The following PCDHGC3 variants were observed in gnomAD, a reference collection of about 807,000 sequenced individuals.
PCDHGC3 encodes protocadherin gamma-C3.
In PCDHGC3, 26 loss-of-function variants were observed where a neutral mutation model predicts 59.2. The observed-to-expected ratio is 0.44, with a 90% CI of 0.32 to 0.61. PCDHGC3 has a LOEUF of 0.61. PCDHGC3 is among the 20% of genes least tolerant of loss of function. PCDHGC3 has a pLI of 0.05. For synonymous variants in PCDHGC3, 487 were observed against 519.7 expected (o/e 0.94, Z 0.86); for missense variants, 1,080 against 1,221.8 (o/e 0.88, Z 1.73).
Position 141,511,089 on chromosome 5 carries a change from C to T in PCDHGC3, c.2721C>T (p.Thr907=). The change falls in exon 4 of 4, where the codon ACC becomes ACT. Residue 907 remains threonine (T), a synonymous_variant. Transcript: ENST00000308177. ...TCCCAGGCAGCAATGCCACACTGAC[C>T]AACGCAGCTGGCAAGCGGGATGGCA... is the stretch of plus-strand genomic sequence containing the variant. ...VYIPGSNATL[T]NAAGKRDGKA... 1 of 1,614,212 alleles carries T rather than the reference C, an allele frequency of 6.2e-7. No individual in the cohort carries two copies. Among genetic ancestry groups the T allele is most frequent in the Non-Finnish European group, 8.5e-7 (1 of 1,180,026 alleles).
rs1007318194 is a variant in PCDHGC3, at chr5:141,512,035, T to G, written c.*862T>G. On this transcript the variant is annotated 3_prime_UTR_variant, in exon 4 of 4. Coordinates refer to ENST00000308177, the MANE Select transcript of PCDHGC3 (RefSeq NM_002588.4). ...AAGTTATCAAGGCCTTGGAGGAGGC[T>G]CTGTATGTCCTCAGGGGACTGACAA... 1.3e-5 allele frequency: 2 copies of G among 152,870 alleles called. No individual in the cohort carries two copies. Among genetic ancestry groups the G allele is most frequent in the African/African-American group, 4.8e-5 (2 of 41,464 alleles). The allele number at this position is 152,870 out of a possible 1,614,324, so 9.5% of individuals were successfully genotyped here.
rs1444171664 is a variant in PCDHGC3, at chr5:141,477,015, T to G, written c.899T>G (p.Val300Gly). The G allele has an allele frequency of 1.2e-6, 2 of 1,614,210 alleles. No homozygotes were observed. Among genetic ancestry groups the G allele is most frequent in the Non-Finnish European group, 1.7e-6 (2 of 1,180,038 alleles). Residue 300 changes from valine to glycine, a missense_variant, in exon 1 of 4, where the codon GTA becomes GGA. Coordinates refer to ENST00000308177, the MANE Select transcript of PCDHGC3 (RefSeq NM_002588.4). This position sits in a 1 kb window ranked among gnomAD's most constrained non-coding sequence, Gnocchi z 4.9. ...GVRQLFALDL[V>G]TGMLTIKGRL... ...CGGCAACTATTCGCCTTAGACCTTG[T>G]AACCGGGATGCTGACAATCAAGGGT...
chr5:141,494,729 C>T (rs2099756368), intron 1 of PCDHGC3, 78 bp from the exon 2 acceptor site: 31 of 1,610,050 alleles, frequency 1.9e-5, no homozygotes, highest in Admixed American at 3.3e-5. Flanking sequence ...CCTTCTCTCC[C>T]GGCCCATCCC....
In PCDHGC3 at chr5:141,486,531, C is replaced by T; in HGVS notation, c.2430+7985C>T. The T allele has an allele frequency of 6.2e-7, 1 of 1,614,062 alleles. No homozygotes were observed. Among genetic ancestry groups the T allele is most frequent in the Non-Finnish European group, 8.5e-7 (1 of 1,180,020 alleles). Reference sequence around the variant, plus strand: ...ATTTCAGATGTGAATGATAATCCACCCTCTTTCTTTCAGAGGTCACATGAG... The same window carrying T: ...ATTTCAGATGTGAATGATAATCCACTCTCTTTCTTTCAGAGGTCACATGAG... On this transcript the variant is annotated intron_variant, in intron 1 of 3. Transcript: ENST00000308177. This position sits in a 1 kb window ranked among gnomAD's most constrained non-coding sequence, Gnocchi z 5.0.
chr5:141,510,289 A>T (rs1279501931), intron 3 of PCDHGC3, among the ~76,000 whole-genome samples: 3 of 151,754 alleles, frequency 2.0e-5, no homozygotes, highest in Non-Finnish European at 4.4e-5. Context: ...AAAAAAAAAA[A>T]AATGCTGTTT....
At position 141,491,884 on chromosome 5, in the gene PCDHGC3, G is replaced by A. The variant is rs745931108; in HGVS notation, c.2431-2923G>A. The A allele has an allele frequency of 2.8e-6, 4 of 1,446,372 alleles. No homozygotes were observed. The highest frequency in any genetic ancestry group is 2.9e-5 in the Admixed American group (1 of 34,718). 89.6% of individuals were successfully genotyped at this position (1,446,372 alleles called of 1,614,324 possible). ...AACCAGAGTGGCCGATTAAGGGATG[G>A]GGCTCCGAGCACCGGGGGTGGTGGC... On this transcript the variant is annotated intron_variant, in intron 1 of 3. Coordinates refer to ENST00000308177, the MANE Select transcript of PCDHGC3 (RefSeq NM_002588.4). This position sits in a 1 kb window ranked among gnomAD's most constrained non-coding sequence, Gnocchi z 6.9.
At position 141,491,725 on chromosome 5, in the gene PCDHGC3, G is replaced by A. The variant is rs1008933711; in HGVS notation, c.2431-3082G>A. The A allele has an allele frequency of 6.2e-7, 1 of 1,606,496 alleles. No homozygotes were observed. The highest frequency in any genetic ancestry group is 1.3e-5 in the African/African-American group (1 of 74,728). On this transcript the variant is annotated intron_variant, in intron 1 of 3. Coordinates refer to ENST00000308177, the MANE Select transcript of PCDHGC3 (RefSeq NM_002588.4). The surrounding 1 kb of genome is among the most constrained non-coding windows in gnomAD (Gnocchi z 6.9). ...GGTGAGGGGCTCGGCGCCGCCCCGGGCGACCCCTGGGGGCGGCACTGGAGA... is the reference window on the plus strand; with the variant it reads ...GGTGAGGGGCTCGGCGCCGCCCCGGACGACCCCTGGGGGCGGCACTGGAGA...
intron 1 of PCDHGC3, chr5:141,479,743 T>C (rs2154578017): frequency 6.6e-6 from 1 of 152,356 alleles, no homozygotes; most frequent in African/African-American, 2.4e-5. Flanking sequence ...ATATGCACAA[T>C]GTGAAAGGTA....
intron 2 of PCDHGC3, among the ~76,000 whole-genome samples, chr5:141,499,234 A>G (rs1294400331): frequency 6.6e-6 from 1 of 152,008 alleles, no homozygotes; most frequent in Non-Finnish European, 1.5e-5. Flanking sequence ...AGCTGTCCCC[A>G]GCCTCTGCAC....
rs1340974686 is a variant in PCDHGC3, at chr5:141,477,604, C to T, written c.1488C>T (p.Leu496=). The T allele has an allele frequency of 6.2e-7, 1 of 1,614,084 alleles. No individual in the cohort carries two copies. Among genetic ancestry groups the T allele is most frequent in the Non-Finnish European group, 8.5e-7 (1 of 1,180,054 alleles). The part of the protein sequence containing the change: ...APQNARLSFF[L]LEQGAETGLV... ...AGAATGCTCGGCTTTCTTTCTTTCT[C>T]TTGGAGCAAGGAGCTGAAACCGGGC... Residue 496 remains leucine, a synonymous_variant, in exon 1 of 4, where the codon CTC becomes CTT. Coordinates refer to ENST00000308177, the MANE Select transcript of PCDHGC3 (RefSeq NM_002588.4). The surrounding 1 kb of genome is among the most constrained non-coding windows in gnomAD (Gnocchi z 4.9).
chr5:141,494,153 G>T (rs2099752286), intron 1 of PCDHGC3, among the ~76,000 whole-genome samples: 1 of 152,186 alleles, frequency 6.6e-6, no homozygotes, highest in Non-Finnish European at 1.5e-5. Flanking sequence ...CCATTGTCTG[G>T]CACGGAGTTC....
In PCDHGC3 at chr5:141,486,748, T is replaced by C; in HGVS notation, c.2431-8059T>C. ...TTCATGCTACTCGATCCTTTGACTA[T>C]GAGCAAACCCAGACACTGCAGTTTG... is the stretch of plus-strand genomic sequence containing the variant. On this transcript the variant is annotated intron_variant, in intron 1 of 3. Coordinates refer to ENST00000308177, the MANE Select transcript of PCDHGC3 (RefSeq NM_002588.4). The surrounding 1 kb of genome is among the most constrained non-coding windows in gnomAD (Gnocchi z 5.0). 6.2e-7 allele frequency: 1 copy of C among 1,614,230 alleles called. No individual in the cohort carries two copies. The highest frequency in any genetic ancestry group is 8.5e-7 in the Non-Finnish European group (1 of 1,180,042).
chr5:141,505,436 T>C lies in PCDHGC3; in HGVS notation c.2533T>C (p.Phe845Leu). 1.2e-6 allele frequency: 2 copies of C among 1,614,118 alleles called. No homozygotes were observed. The highest frequency in any genetic ancestry group is 1.7e-6 in the Non-Finnish European group (2 of 1,179,998). ...DDTGTWPNNQ[F>L]DTEMLQAMIL... is the part of the protein sequence containing the mutation. ...CACCGGCACCTGGCCCAACAACCAG[T>C]TTGACACAGAGATGCTGCAAGCCAT... Residue 845 changes from phenylalanine (F) to leucine (L), a missense_variant, in exon 3 of 4, where the codon TTT becomes CTT. Phe to Leu is a conservative substitution (Grantham distance 22). Coordinates refer to ENST00000308177, the MANE Select transcript of PCDHGC3 (RefSeq NM_002588.4).
At chr5:141,478,584 T>G in intron 1 of PCDHGC3, 38 bp downstream of exon 1, 1 of 1,577,982 alleles carries the variant, frequency 6.3e-7, no homozygotes, top group Non-Finnish European at 8.6e-7. Flanking sequence ...CTGTTAGTGC[T>G]TTTTTATTCC....
In PCDHGC3 at chr5:141,489,152, A is replaced by C; in HGVS notation, c.2431-5655A>C. The C allele has an allele frequency of 2.1e-6, 2 of 960,350 alleles. No individual in the cohort carries two copies. Among genetic ancestry groups the C allele is most frequent in the Non-Finnish European group, 3.1e-6 (2 of 640,552 alleles). 59.5% of individuals were successfully genotyped at this position (960,350 alleles called of 1,614,324 possible). A position where few individuals can be genotyped will look rare whatever the true frequency, so the allele number is the denominator to read the frequency against. On this transcript the variant is annotated intron_variant, in intron 1 of 3. Transcript: ENST00000308177. This position sits in a 1 kb window ranked among gnomAD's most constrained non-coding sequence, Gnocchi z 4.5. The stretch of plus-strand genomic sequence containing the variant: ...TTTTAAGAGGCTGGAAGGAGACATA[A>C]GAGACTTCAGCTGCTGCATTCCAAG...
At position 141,494,730 on chromosome 5, in the gene PCDHGC3, G is replaced by A. The variant is rs1595262506; in HGVS notation, c.2431-77G>A. 18 of 1,609,816 alleles carry A rather than the reference G, an allele frequency of 1.1e-5. No individual in the cohort carries two copies. In the East Asian group the frequency reaches 4.0e-4, roughly 36 times the overall value. On this transcript the variant is annotated intron_variant, in intron 1 of 3. Coordinates refer to ENST00000308177, the MANE Select transcript of PCDHGC3 (RefSeq NM_002588.4). ...GTGCCCACTCCCCTCCTTCTCTCCC[G>A]GCCCATCCCTAGGGGCTCGGGTGAC...
chr5:141,510,944 C>T lies in PCDHGC3; in HGVS notation c.2579-3C>T, dbSNP rs772921698. 2 of 1,614,120 alleles carry T rather than the reference C, an allele frequency of 1.2e-6. No individual in the cohort carries two copies. Among genetic ancestry groups the T allele is most frequent in the South Asian group, 2.2e-5 (2 of 91,080 alleles). On this transcript the variant is annotated splice_region_variant and splice_polypyrimidine_tract_variant and intron_variant, in intron 3 of 3. Transcript: ENST00000308177. Reference sequence around the variant, plus strand: ...CCCACCTGATCTTCCTCTGTCTCTGCAGAAGCTGCTGATGGGAGCTCCACC... The same window carrying T: ...CCCACCTGATCTTCCTCTGTCTCTGTAGAAGCTGCTGATGGGAGCTCCACC...
chr5:141,508,829 C>G (rs370074494), intron 3 of PCDHGC3, among the ~76,000 whole-genome samples: 10 of 152,240 alleles, frequency 6.6e-5, no homozygotes, highest in Middle Eastern at 3.4e-3. Context: ...TCTGGGCCCC[C>G]CTCCCCTACC....
chr5:141,477,475 C>A lies in PCDHGC3; in HGVS notation c.1359C>A (p.Asn453Lys). ...TTCAAGTGTCCGACATCAATGACAA[C>A]CCTCCACAATCTTCTCAATCTTCCT... ...VRVQVSDIND[N>K]PPQSSQSSYD... Residue 453 changes from asparagine (N) to lysine (K), a missense_variant, in exon 1 of 4, where the codon AAC (asparagine) becomes AAA (lysine). Coordinates refer to ENST00000308177, the MANE Select transcript of PCDHGC3 (RefSeq NM_002588.4). The surrounding 1 kb of genome is among the most constrained non-coding windows in gnomAD (Gnocchi z 4.9). The A allele has an allele frequency of 3.1e-6, 5 of 1,614,124 alleles. No homozygotes were observed. The highest frequency in any genetic ancestry group is 4.2e-6 in the Non-Finnish European group (5 of 1,180,030).
Sources: allele counts gnomAD v4.1 joint callset (sites outside exome capture counted in the v4.1 genomes callset), GRCh38; gene constraint gnomAD v4.1.1; non-coding constraint Gnocchi (gnomAD v3.1); transcripts MANE v1.5; gene names NCBI Gene and HGNC (gene_info 2026-07-23, HGNC 2026-07-21).